The following DGKB variants were observed in gnomAD, a reference collection of about 807,000 sequenced individuals.
The protein encoded by DGKB is 90 kDa diacylglycerol kinase.
Under a neutral mutation model 114.3 loss-of-function variants are expected in DGKB, and 67 were observed. The observed-to-expected ratio is 0.59, with a 90% CI of 0.48 to 0.72. DGKB has a LOEUF of 0.72. Ranked by LOEUF, DGKB falls within the 30% of genes least tolerant of loss-of-function variation. The probability of loss-of-function intolerance (pLI) is 0.00; values close to 1 mark genes in which losing one functional copy is unlikely to be tolerated. For synonymous variants in DGKB, 398 were observed against 323.1 expected, an observed-to-expected ratio of 1.23 and a Z score of -2.49; for missense variants, 907 against 975.2, an observed-to-expected ratio of 0.93 and a Z score of 0.93.
chr7:14,270,743 G>C (rs1180600440), intron 23 of DGKB, among the ~76,000 whole-genome samples: 7 of 152,192 alleles, frequency 4.6e-5, no homozygotes, highest in Non-Finnish European at 1.0e-4. Context: ...TAGATGTCCT[G>C]AAGGCCTATT....
Position 14,753,911 on chromosome 7 carries a change from A to G in DGKB, c.168+17T>C, listed in dbSNP as rs1834476685. On this transcript the variant is annotated intron_variant, in intron 4 of 25. Coordinates refer to ENST00000402815, the MANE Select transcript of DGKB (RefSeq NM_001350709.2). ...AGAAAGAAAAGACAGACTTTAATAG[A>G]AAAGAAAATGTCTTACTTGGTTAAG... is the stretch of plus-strand genomic sequence containing the variant. 2 of 1,461,406 alleles carry G rather than the reference A, an allele frequency of 1.4e-6. No homozygotes were observed. Among genetic ancestry groups the G allele is most frequent in the Admixed American group, 2.0e-5 (1 of 50,856 alleles). 90.5% of individuals were successfully genotyped at this position (1,461,406 alleles called of 1,614,324 possible).
chr7:14,452,684 A>G (rs1831703393), intron 21 of DGKB, among the ~76,000 whole-genome samples: 1 of 152,104 alleles, frequency 6.6e-6, no homozygotes, highest in Non-Finnish European at 1.5e-5. Context: ...TAAAAATCAT[A>G]GGTAGAATGC....
intron 25 of DGKB, among the ~76,000 whole-genome samples, chr7:14,160,458 AC>A (rs1783710265): frequency 1.3e-5 from 2 of 152,208 alleles, no homozygotes; most frequent in Non-Finnish European, 2.9e-5. Context: ...TGCAAGAATC[AC>A]AAGCATTCCT....
rs375845295 is a variant in DGKB, at chr7:14,790,864, A to C, written c.71-33133T>G. On this transcript the variant is annotated intron_variant, in intron 2 of 25. Transcript: ENST00000402815. ...AAAAAAAATTCCTGGCATTTTGATTACAGTTACATTAAAATCTTTATATTA... is the reference window on the plus strand; with the variant it reads ...AAAAAAAATTCCTGGCATTTTGATTCCAGTTACATTAAAATCTTTATATTA... Among the ~76,000 whole-genome samples the C allele has an allele frequency of 1.1e-4, 16 of 152,340 alleles. 1 individual carries two copies. The East Asian group carries it at 2.3e-3, about 22-fold the overall frequency.
chr7:14,480,683 A>G (rs1033060217), intron 20 of DGKB, among the ~76,000 whole-genome samples: 1 of 152,140 alleles, frequency 6.6e-6, no homozygotes, highest in African/African-American at 2.4e-5. Flanking sequence ...GCTTCCTAGA[A>G]GGCACAAACT....
chr7:14,770,373 A>T (rs1261628719), intron 2 of DGKB, among the ~76,000 whole-genome samples: 1 of 152,062 alleles, frequency 6.6e-6, no homozygotes, highest in Admixed American at 6.6e-5. Context: ...CTCCAGCAAC[A>T]TCATCCATTG....
chr7:14,171,829 A>C (rs1781038816), intron 25 of DGKB, among the ~76,000 whole-genome samples: 1 of 152,208 alleles, frequency 6.6e-6, no homozygotes, highest in Non-Finnish European at 1.5e-5. Flanking sequence ...TTCAAAGTGC[A>C]TTTGGTATTG....
In DGKB at chr7:14,280,233, T is replaced by A. The variant is rs372563795; in HGVS notation, c.2122+58282A>T. 1.9e-3 allele frequency among the ~76,000 whole-genome samples: 286 copies of A among 152,120 alleles called. 1 individual carries two copies. Among genetic ancestry groups the A allele is most frequent in the African/African-American group, 6.2e-3 (258 of 41,500 alleles). The stretch of plus-strand genomic sequence containing the variant: ...GGAATGCAGAAGCCTCAGGAGCTGA[T>A]GCGATCAACTGGAAGAAAGGGTATC... On this transcript the variant is annotated intron_variant, in intron 23 of 25. Coordinates refer to ENST00000402815, the MANE Select transcript of DGKB (RefSeq NM_001350709.2).
chr7:14,805,824 T>C (rs937376865), intron 2 of DGKB, among the ~76,000 whole-genome samples: 4 of 150,918 alleles, frequency 2.7e-5, no homozygotes, highest in African/African-American at 9.8e-5. Flanking sequence ...AACTTCCATA[T>C]AGAGTAATTT....
In DGKB at chr7:14,780,817, A is replaced by G. The variant is rs1010884096; in HGVS notation, c.71-23086T>C. Among the ~76,000 whole-genome samples, 11 of 152,228 alleles carry G rather than the reference A, an allele frequency of 7.2e-5. No homozygotes were observed. In the East Asian group the frequency reaches 9.6e-4, roughly 13 times the overall value. ...CCTTTTTAACATTCTTTATGCTGGC[A>G]TCATAACGTAGTTTCTGAGAAGGCT... On this transcript the variant is annotated intron_variant, in intron 2 of 25. Coordinates refer to ENST00000402815, the MANE Select transcript of DGKB (RefSeq NM_001350709.2).
chr7:14,235,884 C>A (rs1175127452), intron 23 of DGKB, among the ~76,000 whole-genome samples: 1 of 152,008 alleles, frequency 6.6e-6, no homozygotes, highest in Non-Finnish European at 1.5e-5. Context: ...AAATAATGGA[C>A]CACCTTTCTG....
rs1204590914 is a variant in DGKB, at chr7:14,732,196, A to AT, written c.322+3844_322+3845insA. ...TTGATTATCATTCAGTAGTGAGCATAATTTTTTTTCCTTTTCAGTTTTGTT... is the reference window on the plus strand; with the variant it reads ...TTGATTATCATTCAGTAGTGAGCATATATTTTTTTTCCTTTTCAGTTTTGTT... On this transcript the variant is annotated intron_variant, in intron 5 of 25. Coordinates refer to ENST00000402815, the MANE Select transcript of DGKB (RefSeq NM_001350709.2). Among the ~76,000 whole-genome samples, 6 of 53,634 alleles carry AT rather than the reference A, an allele frequency of 1.1e-4. No homozygotes were observed. The South Asian group carries it at 1.6e-3, about 14-fold the overall frequency. 35.2% of individuals were successfully genotyped at this position (53,634 alleles called of 152,430 possible). A position where few individuals can be genotyped will look rare whatever the true frequency, so the allele number is the denominator to read the frequency against.
intron 1 of DGKB, among the ~76,000 whole-genome samples, chr7:14,962,110 GAC>G (rs2115273796): frequency 6.6e-6 from 1 of 152,212 alleles, no homozygotes; most frequent in African/African-American, 2.4e-5. Context: ...AATAGTATGT[GAC>G]ACAAGTGTAT....
At chr7:14,259,384 T>C (rs946740803) in intron 23 of DGKB, among the ~76,000 whole-genome samples, 3 of 67,184 alleles carry the variant, frequency 4.5e-5, no homozygotes, top group South Asian at 4.0e-4. Context: ...AAAGTTTCTC[T>C]CTCTCTCTCT....
upstream of DGKB, chr7:14,902,804 C>G (rs1396087726): frequency 6.6e-6 from 1 of 152,312 alleles, no homozygotes; most frequent in Non-Finnish European, 1.5e-5. Context: ...CCACCCCCTT[C>G]CAGAACACCC....
At chr7:14,934,381 G>T (rs918566800) in intron 1 of DGKB, among the ~76,000 whole-genome samples, 3 of 152,130 alleles carry the variant, frequency 2.0e-5, no homozygotes, top group Non-Finnish European at 4.4e-5. Flanking sequence ...GTGATATAGA[G>T]AAAAGCAAGC....
rs1781774701 is a variant in DGKB, at chr7:14,148,942, T to A, written c.*189A>T. On this transcript the variant is annotated 3_prime_UTR_variant, in exon 26 of 26. Transcript: ENST00000402815. The stretch of plus-strand genomic sequence containing the variant: ...AACTTCTGCTTTCTTCATGCAAAGA[T>A]GCCTATAAAAACTGAGACAATAAAT... 1.7e-6 allele frequency: 1 copy of A among 594,698 alleles called. No individual in the cohort carries two copies. Among genetic ancestry groups the A allele is most frequent in the African/African-American group, 1.9e-5 (1 of 52,632 alleles). 36.8% of individuals were successfully genotyped at this position (594,698 alleles called of 1,614,324 possible). A position where few individuals can be genotyped will look rare whatever the true frequency, so the allele number is the denominator to read the frequency against.
chr7:14,716,685 A>G (rs1205925092), intron 6 of DGKB, among the ~76,000 whole-genome samples: 1 of 152,178 alleles, frequency 6.6e-6, no homozygotes, highest in Non-Finnish European at 1.5e-5. Context: ...GTAAATTGTT[A>G]AGAAAGTGGA....
intron 1 of DGKB, among the ~76,000 whole-genome samples, chr7:14,862,700 A>G (rs1401666457): frequency 6.6e-6 from 1 of 152,116 alleles, no homozygotes; most frequent in Non-Finnish European, 1.5e-5. Flanking sequence ...GCTTGTACTT[A>G]AAAGTACAGA....
Sources: gnomAD v4.1 joint callset for allele counts (sites outside exome capture counted in the v4.1 genomes callset) on GRCh38, gnomAD v4.1.1 for gene constraint, MANE v1.5 for transcripts, NCBI Gene and HGNC (gene_info 2026-07-23, HGNC 2026-07-21) for gene names.